INPP5A: variants seen among roughly 807,000 people sequenced by gnomAD.
The protein encoded by INPP5A is 43 kDa inositol polyphosphate 5-phophatase.
Under a neutral mutation model 65.2 loss-of-function variants are expected in INPP5A, and 14 were observed. The ratio of observed to expected loss-of-function variants is 0.21; its 90% CI spans 0.14 to 0.34. The LOEUF (loss-of-function observed/expected upper bound fraction) is 0.34, where lower values mean the gene tolerates loss of function less well. Among genes scored for constraint, INPP5A ranks in the 10% least tolerant of loss-of-function variants. The pLI is 1.00. For missense variants in INPP5A, 431 were observed against 545.6 expected (o/e 0.79, Z 2.09); for synonymous variants, 207 against 208.3 (o/e 0.99, Z 0.05).
At chr10:132,621,132 G>A (rs1446553257) in intron 2 of INPP5A, among the ~76,000 whole-genome samples, 1 of 152,170 alleles carries the variant, frequency 6.6e-6, no homozygotes, top group East Asian at 1.9e-4. Flanking sequence ...AGCCTGTAAA[G>A]GGCATCTATC....
intron 1 of INPP5A, among the ~76,000 whole-genome samples, chr10:132,569,923 A>T (rs987046266): frequency 6.8e-6 from 1 of 147,174 alleles, no homozygotes; most frequent in Non-Finnish European, 1.5e-5. Context: ...AAGTGCTGGG[A>T]TTACAGGTGT....
At chr10:132,776,940 C>A (rs141275509) in intron 12 of INPP5A, among the ~76,000 whole-genome samples, 1 of 152,066 alleles carries the variant, frequency 6.6e-6, no homozygotes, top group Non-Finnish European at 1.5e-5. Context: ...AGCAAGGCCG[C>A]GGAGGAGCCC....
chr10:132,606,358 G>GTCAGTCGC (rs2071851549), intron 1 of INPP5A, among the ~76,000 whole-genome samples: 1 of 152,120 alleles, frequency 6.6e-6, no homozygotes, highest in Non-Finnish European at 1.5e-5. Flanking sequence ...AGTGGCGTGG[G>GTCAGTCGC]CTGATGGCCT....
At chr10:132,582,723 T>G (rs1295709405) in intron 1 of INPP5A, among the ~76,000 whole-genome samples, 1 of 152,202 alleles carries the variant, frequency 6.6e-6, no homozygotes, top group Non-Finnish European at 1.5e-5. Flanking sequence ...TTTTCTCCAT[T>G]GGATTGCTTT....
At chr10:132,732,204 C>A (rs535491943) in intron 9 of INPP5A, among the ~76,000 whole-genome samples, 1 of 152,336 alleles carries the variant, frequency 6.6e-6, no homozygotes, top group African/African-American at 2.4e-5. Flanking sequence ...TACTGTTCTG[C>A]GCTGTTTGTC....
intron 8 of INPP5A, among the ~76,000 whole-genome samples, chr10:132,713,112 A>C (rs1845677360): frequency 1.4e-5 from 2 of 147,872 alleles, no homozygotes; most frequent in Non-Finnish European, 3.0e-5. Flanking sequence ...ACATGTGGGT[A>C]TGTGTGCATG....
At chr10:132,667,201 C>A (rs1442100693) in intron 4 of INPP5A, among the ~76,000 whole-genome samples, 1 of 152,196 alleles carries the variant, frequency 6.6e-6, no homozygotes, top group Non-Finnish European at 1.5e-5. Context: ...TCCAGTATGA[C>A]CTGGATTGTC....
At chr10:132,670,363 A>G (rs1481547767) in intron 4 of INPP5A, among the ~76,000 whole-genome samples, 1 of 9,410 alleles carries the variant, frequency 1.1e-4, no homozygotes, top group African/African-American at 4.9e-4. Context: ...ACCTGACCCC[A>G]CCCCCCCGAC....
chr10:132,620,995 T>C (rs2072100464), intron 2 of INPP5A, among the ~76,000 whole-genome samples: 2 of 152,236 alleles, frequency 1.3e-5, no homozygotes, highest in African/African-American at 4.8e-5. Flanking sequence ...GAATTTACCA[T>C]GTCAACTGAT....
intron 9 of INPP5A, among the ~76,000 whole-genome samples, chr10:132,733,236 T>A (rs994747379): frequency 6.6e-6 from 1 of 152,118 alleles, no homozygotes; most frequent in African/African-American, 2.4e-5. Context: ...AAGGCCCCAT[T>A]TCCAAACAAG....
At chr10:132,608,538 A>G (rs1283569619) in intron 2 of INPP5A, among the ~76,000 whole-genome samples, 1 of 152,212 alleles carries the variant, frequency 6.6e-6, no homozygotes, top group Non-Finnish European at 1.5e-5. Flanking sequence ...GCAGGTCTTC[A>G]TGGAAGGAGC....
At chr10:132,733,635 C>A (rs1846124756) in intron 9 of INPP5A, among the ~76,000 whole-genome samples, 1 of 152,200 alleles carries the variant, frequency 6.6e-6, no homozygotes, top group Non-Finnish European at 1.5e-5. Flanking sequence ...TCTTTTGAGG[C>A]TGACTTGGAC....
chr10:132,704,022 C>T lies in INPP5A; in HGVS notation c.475-4291C>T, dbSNP rs1035586324. ...ACGCACGGCTTCACCCCCCCACACA[C>T]GCGTGGCTTCACCCCCACACACACG... is the stretch of plus-strand genomic sequence containing the variant. On this transcript the variant is annotated intron_variant, in intron 6 of 15. Coordinates refer to ENST00000368594, the MANE Select transcript of INPP5A (RefSeq NM_005539.5). The surrounding 1 kb of genome is among the most constrained non-coding windows in gnomAD (Gnocchi z 4.5). Among the ~76,000 whole-genome samples, 3 of 148,842 alleles carry T rather than the reference C, an allele frequency of 2.0e-5. No homozygotes were observed. Among genetic ancestry groups the T allele is most frequent in the Admixed American group, 6.7e-5 (1 of 14,960 alleles).
chr10:132,712,223 C>T (rs1405134779), intron 8 of INPP5A, among the ~76,000 whole-genome samples: 3 of 150,952 alleles, frequency 2.0e-5, no homozygotes, highest in Non-Finnish European at 4.4e-5. Flanking sequence ...GTGTGCATGC[C>T]TGAGTGTGCA....
intron 8 of INPP5A, among the ~76,000 whole-genome samples, chr10:132,715,606 A>G (rs1055896816): frequency 6.6e-6 from 1 of 152,210 alleles, no homozygotes; most frequent in Admixed American, 6.5e-5. Flanking sequence ...AGAGCCCCCA[A>G]CCTAAATGTT....
At chr10:132,652,073 C>G (rs77757576) in intron 4 of INPP5A, among the ~76,000 whole-genome samples, 2,235 of 150,540 alleles carry the variant, frequency 0.015, 32 homozygotes, top group South Asian at 0.039. Flanking sequence ...CTCCTCCCTA[C>G]CAGCTTCTTT....
intron 4 of INPP5A, among the ~76,000 whole-genome samples, chr10:132,661,597 G>A (rs2072738081): frequency 1.3e-5 from 2 of 152,040 alleles, no homozygotes; most frequent in South Asian, 4.1e-4. Context: ...TTGTTAAGAT[G>A]TCATTTCTCC....
intron 1 of INPP5A, among the ~76,000 whole-genome samples, chr10:132,556,571 T>G (rs1180662592): frequency 6.6e-6 from 1 of 152,106 alleles, no homozygotes; most frequent in Non-Finnish European, 1.5e-5. Context: ...TATACATACA[T>G]GCATACCACA....
In INPP5A at chr10:132,782,051, C is replaced by T. The variant is rs764483842; in HGVS notation, c.*22C>T. 5.1e-6 allele frequency: 8 copies of T among 1,575,200 alleles called. No homozygotes were observed. The highest frequency in any genetic ancestry group is 1.3e-5 in the African/African-American group (1 of 74,298). On this transcript the variant is annotated 3_prime_UTR_variant, in exon 16 of 16. Coordinates refer to ENST00000368594, the MANE Select transcript of INPP5A (RefSeq NM_005539.5). This position sits in a 1 kb window ranked among gnomAD's most constrained non-coding sequence, Gnocchi z 4.4. ...TTCCGTGACAGGGAAGAGATGCCAG[C>T]GCCACGAGAGGACACTTCGTGAGCC...
Sources: gnomAD v4.1 joint callset for allele counts (sites outside exome capture counted in the v4.1 genomes callset) on GRCh38, gnomAD v4.1.1 for gene constraint, Gnocchi (gnomAD v3.1) non-coding constraint, MANE v1.5 for transcripts, NCBI Gene and HGNC (gene_info 2026-07-23, HGNC 2026-07-21) for gene names.